The following SNX24 variants were observed in gnomAD, a reference collection of about 807,000 sequenced individuals.
SNX24 encodes the protein sorting nexin 24.
Under a neutral mutation model 28.7 loss-of-function variants are expected in SNX24, and 22 were observed. That is an observed-to-expected ratio of 0.77 (90% CI 0.55 to 1.10). SNX24 has a LOEUF of 1.10. Among genes scored for constraint, SNX24 ranks in the 50% least tolerant of loss-of-function variants. The pLI, the probability that SNX24 is intolerant of heterozygous loss-of-function variation, is 0.00. For missense variants in SNX24, 221 were observed against 201.1 expected, an observed-to-expected ratio of 1.10 and a Z score of -0.60; for synonymous variants, 69 against 71.5, an observed-to-expected ratio of 0.96 and a Z score of 0.18.
At chr5:123,021,311 T>C (rs1360116074) in intron 5 of SNX24, among the ~76,000 whole-genome samples, 2 of 152,174 alleles carry the variant, frequency 1.3e-5, no homozygotes, top group African/African-American at 2.4e-5. Flanking sequence ...CCTACAATAT[T>C]GATAATATTT....
chr5:122,955,386 T>A (rs1760159040), intron 3 of SNX24, among the ~76,000 whole-genome samples: 2 of 152,238 alleles, frequency 1.3e-5, no homozygotes, highest in African/African-American at 2.4e-5. Context: ...CATCCTAATG[T>A]TGGAATCTAT....
intron 5 of SNX24, chr5:123,028,800 G>A: frequency 1.2e-6 from 2 of 1,613,658 alleles, no homozygotes; most frequent in Non-Finnish European, 1.7e-6. Flanking sequence ...CAGTGGTGAT[G>A]TCACCTCCTT....
intron 3 of SNX24, among the ~76,000 whole-genome samples, chr5:122,978,218 C>T (rs1429833277): frequency 2.0e-5 from 3 of 152,236 alleles, no homozygotes; most frequent in Admixed American, 6.5e-5. Context: ...GAAGTGTTTA[C>T]AAGTGTGATA....
intron 3 of SNX24, among the ~76,000 whole-genome samples, chr5:122,987,739 G>A (rs1268848215): frequency 1.3e-5 from 2 of 152,154 alleles, no homozygotes; most frequent in Admixed American, 6.5e-5. Context: ...TCAGTAGATT[G>A]GAAGTCTCGC....
At chr5:122,933,600 A>G (rs1268282092) in intron 1 of SNX24, among the ~76,000 whole-genome samples, 1 of 151,856 alleles carries the variant, frequency 6.6e-6, no homozygotes, top group Non-Finnish European at 1.5e-5. Flanking sequence ...CTTGAGAGCC[A>G]TTTTTTCCAC....
chr5:122,890,937 T>G, intron 1 of SNX24: 2 of 1,226,218 alleles, frequency 1.6e-6, no homozygotes, highest in Non-Finnish European at 2.1e-6. Flanking sequence ...CCCTTCAAGA[T>G]TTTTCTGCAA....
At chr5:122,924,383 T>C (rs1758579546) in intron 1 of SNX24, among the ~76,000 whole-genome samples, 1 of 152,150 alleles carries the variant, frequency 6.6e-6, no homozygotes, top group Admixed American at 6.5e-5. Context: ...ACTGAGCTCC[T>C]ACAGCTAGTT....
At chr5:122,853,703 GC>G (rs2150033566) in intron 1 of SNX24, 2 of 410,430 alleles carry the variant, frequency 4.9e-6, no homozygotes, top group South Asian at 1.8e-5. Flanking sequence ...GCCCAGGCAG[GC>G]CCTGAACTCC....
At chr5:122,845,979 C>T (rs1231524252) in intron 1 of SNX24, among the ~76,000 whole-genome samples, 1 of 152,214 alleles carries the variant, frequency 6.6e-6, no homozygotes, top group African/African-American at 2.4e-5. Flanking sequence ...CCCCGCCGCC[C>T]GCCTTCGGGA....
intron 2 of SNX24, among the ~76,000 whole-genome samples, chr5:122,939,650 T>C (rs184671647): frequency 1.3e-5 from 2 of 152,336 alleles, no homozygotes; most frequent in East Asian, 3.9e-4. Context: ...CATTTTCTTT[T>C]AGTTTTTGTA....
chr5:122,905,074 T>C (rs910726031), intron 1 of SNX24, among the ~76,000 whole-genome samples: 3 of 152,186 alleles, frequency 2.0e-5, no homozygotes, highest in Admixed American at 2.0e-4. Context: ...AGTGAAAGTA[T>C]GTTAGAATGT....
chr5:123,005,488 C>G (rs1040643843), intron 6 of SNX24, among the ~76,000 whole-genome samples: 4 of 152,234 alleles, frequency 2.6e-5, no homozygotes, highest in African/African-American at 9.6e-5. Flanking sequence ...GTTCTTGTCA[C>G]TGCTTAACAT....
At chr5:122,965,837 C>A (rs951906984) in intron 3 of SNX24, among the ~76,000 whole-genome samples, 1 of 152,206 alleles carries the variant, frequency 6.6e-6, no homozygotes, top group African/African-American at 2.4e-5. Context: ...AATTAAAGAA[C>A]CTGTTTCAAG....
chr5:122,958,563 G>A (rs757919385), intron 3 of SNX24, among the ~76,000 whole-genome samples: 2 of 150,794 alleles, frequency 1.3e-5, no homozygotes, highest in Admixed American at 6.6e-5. Flanking sequence ...ACCACCAAGA[G>A]TTTTTTTTTC....
chr5:122,989,639 A>G (rs1181677090), intron 3 of SNX24, among the ~76,000 whole-genome samples: 1 of 152,214 alleles, frequency 6.6e-6, no homozygotes, highest in African/African-American at 2.4e-5. Flanking sequence ...AGCTTGCCAC[A>G]TACCCCAAGA....
chr5:122,901,009 T>C (rs1259442868), intron 1 of SNX24, among the ~76,000 whole-genome samples: 2 of 152,104 alleles, frequency 1.3e-5, no homozygotes, highest in African/African-American at 4.8e-5. Flanking sequence ...AAGACCAGCC[T>C]GGCCAACATG....
intron 3 of SNX24, among the ~76,000 whole-genome samples, chr5:122,986,750 T>C (rs1761620208): frequency 1.4e-5 from 2 of 147,528 alleles, no homozygotes; most frequent in East Asian, 1.9e-4. Flanking sequence ...ATTTTTTTTT[T>C]CCTGTTGTTT....
chr5:122,925,966 C>A (rs950012876), intron 1 of SNX24, among the ~76,000 whole-genome samples: 1 of 152,102 alleles, frequency 6.6e-6, no homozygotes, highest in African/African-American at 2.4e-5. Context: ...AACCAACCAA[C>A]AAGCAAACAT....
intron 1 of SNX24, among the ~76,000 whole-genome samples, chr5:122,930,559 G>A (rs1363589552): frequency 6.6e-6 from 1 of 152,162 alleles, no homozygotes; most frequent in Non-Finnish European, 1.5e-5. Flanking sequence ...GGGTGGGTAG[G>A]TGTGGACATC....
Sources: allele counts gnomAD v4.1 joint callset (sites outside exome capture counted in the v4.1 genomes callset), GRCh38; gene constraint gnomAD v4.1.1; transcripts MANE v1.5; gene names NCBI Gene and HGNC (gene_info 2026-07-23, HGNC 2026-07-21).